SUMF1: variants seen among roughly 807,000 people sequenced by gnomAD.
SUMF1 encodes the protein sulfatase modifying factor 1.
SUMF1 carries 48 observed loss-of-function variants against 47.6 expected under a neutral mutation model. The ratio of observed to expected loss-of-function variants is 1.01; its 90% CI spans 0.80 to 1.28. The LOEUF (loss-of-function observed/expected upper bound fraction) is 1.28. Among genes scored for constraint, SUMF1 ranks in the 50% most tolerant of loss-of-function variants. SUMF1 has a pLI of 0.00. For missense variants in SUMF1, 571 were observed against 485.4 expected (o/e 1.18, Z -1.66); for synonymous variants, 230 against 192.1 (o/e 1.20, Z -1.63).
chr3:4,453,899 G>A (rs952500982), intron 1 of SUMF1, among the ~76,000 whole-genome samples: 3 of 151,772 alleles, frequency 2.0e-5, no homozygotes, highest in East Asian at 1.9e-4. Context: ...CAACTCCTGC[G>A]CTCAAGTGAT....
intron 8 of SUMF1, among the ~76,000 whole-genome samples, chr3:4,156,010 G>A (rs540544211): frequency 1.3e-5 from 2 of 151,372 alleles, no homozygotes; most frequent in Non-Finnish European, 2.9e-5. Flanking sequence ...TAGGAATTTT[G>A]TTTTTCATCT....
At chr3:4,137,262 C>G (rs141892664) in intron 8 of SUMF1, among the ~76,000 whole-genome samples, 4,666 of 152,064 alleles carry the variant, frequency 0.031, 266 homozygotes, top group African/African-American at 0.11. Context: ...GAAAATGTGG[C>G]ACATATACAC....
At chr3:4,197,392 C>A (rs1324488981) in intron 8 of SUMF1, among the ~76,000 whole-genome samples, 1 of 152,124 alleles carries the variant, frequency 6.6e-6, no homozygotes, top group East Asian at 1.9e-4. Flanking sequence ...TGAGCCAGTG[C>A]ACCCAGTAAG....
At chr3:4,421,138 T>C (rs17756721) in intron 3 of SUMF1, among the ~76,000 whole-genome samples, 3,100 of 152,154 alleles carry the variant, frequency 0.02, 41 homozygotes, top group South Asian at 0.051. Context: ...ATTTAGTGAG[T>C]GGTTTAGTTA....
chr3:4,261,214 A>AT (rs1197445529), intron 8 of SUMF1, among the ~76,000 whole-genome samples: 1 of 152,118 alleles, frequency 6.6e-6, no homozygotes. Context: ...GCTTTATGTA[A>AT]TTTTTTCATA....
chr3:4,253,945 G>A (rs868857173), intron 8 of SUMF1, among the ~76,000 whole-genome samples: 11 of 150,390 alleles, frequency 7.3e-5, no homozygotes, highest in Non-Finnish European at 4.4e-5. Context: ...CCTCAAGTGG[G>A]TCCCTGACCC....
In SUMF1 at chr3:4,401,231, T is replaced by A. The variant is rs150521611; in HGVS notation, c.954+9634A>T. On this transcript the variant is annotated intron_variant, in intron 7 of 8. Coordinates refer to ENST00000272902, the MANE Select transcript of SUMF1 (RefSeq NM_182760.4). ...GTTTATCACTGATGGACATTTGGGTTGGTTCCAAGTCTTTGCTCTTGTGAA... is the reference window on the plus strand; with the variant it reads ...GTTTATCACTGATGGACATTTGGGTAGGTTCCAAGTCTTTGCTCTTGTGAA... Among the ~76,000 whole-genome samples, 80 of 152,292 alleles carry A rather than the reference T, an allele frequency of 5.3e-4. 1 individual carries two copies. Among genetic ancestry groups the A allele is most frequent in the African/African-American group, 1.8e-3 (76 of 41,566 alleles).
At chr3:4,359,838 A>G (rs1699703089), downstream of SUMF1, among the ~76,000 whole-genome samples, 1 of 151,712 alleles carries the variant, frequency 6.6e-6, no homozygotes, top group Non-Finnish European at 1.5e-5. Context: ...CAGTCAAACC[A>G]TCTCAGTTGC....
At chr3:4,249,388 T>C (rs979945488) in intron 8 of SUMF1, among the ~76,000 whole-genome samples, 8 of 152,194 alleles carry the variant, frequency 5.3e-5, no homozygotes, top group Admixed American at 2.0e-4. Context: ...CAACAGCATA[T>C]GCTCACTTCA....
chr3:4,259,019 A>C (rs1453415791), intron 8 of SUMF1, among the ~76,000 whole-genome samples: 1 of 150,036 alleles, frequency 6.7e-6, no homozygotes, highest in East Asian at 1.9e-4. Flanking sequence ...AAGAACAAAA[A>C]ACCAAACACC....
chr3:4,102,018 A>T (rs116030843), intron 8 of SUMF1, among the ~76,000 whole-genome samples: 3 of 152,108 alleles, frequency 2.0e-5, no homozygotes, highest in Admixed American at 6.5e-5. Context: ...AAAGCATCAG[A>T]TCTCATGAGA....
chr3:4,327,154 T>C (rs1698962935), intron 8 of SUMF1, among the ~76,000 whole-genome samples: 2 of 152,090 alleles, frequency 1.3e-5, no homozygotes, highest in African/African-American at 4.8e-5. Flanking sequence ...AACACAAAAA[T>C]ATCAGCAATG....
At chr3:4,085,384 T>G (rs113577913) in intron 8 of SUMF1, among the ~76,000 whole-genome samples, 4 of 152,036 alleles carry the variant, frequency 2.6e-5, no homozygotes, top group African/African-American at 9.7e-5. Flanking sequence ...GACCAGAGCT[T>G]AGACAATAGA....
At chr3:4,048,212 C>A (rs1226737055) in intron 9 of SUMF1, among the ~76,000 whole-genome samples, 1 of 152,116 alleles carries the variant, frequency 6.6e-6, no homozygotes, top group Admixed American at 6.6e-5. Flanking sequence ...CTTTCTCTAA[C>A]CCCCAGAAAG....
At chr3:4,110,666 A>C (rs1475139719) in intron 8 of SUMF1, among the ~76,000 whole-genome samples, 1 of 151,958 alleles carries the variant, frequency 6.6e-6, no homozygotes, top group Non-Finnish European at 1.5e-5. Flanking sequence ...TGCAGCCATA[A>C]AAAAGGATGA....
chr3:4,316,160 C>A, intron 8 of SUMF1: 1 of 609,288 alleles, frequency 1.6e-6, no homozygotes, highest in Admixed American at 2.4e-5. Flanking sequence ...ATGAGCATTT[C>A]TTTATGTTTT....
intron 8 of SUMF1, among the ~76,000 whole-genome samples, chr3:4,139,879 T>A (rs1177215304): frequency 6.6e-6 from 1 of 151,866 alleles, no homozygotes; most frequent in Admixed American, 6.6e-5. Context: ...GACTACAGAG[T>A]TTATTTGGGC....
intron 8 of SUMF1, among the ~76,000 whole-genome samples, chr3:4,373,494 T>G (rs950873266): frequency 6.6e-6 from 1 of 151,556 alleles, no homozygotes; most frequent in African/African-American, 2.4e-5. Flanking sequence ...GGCTCACACC[T>G]GTAGTCCCAG....
At chr3:4,339,574 A>C (rs568183812) in intron 8 of SUMF1, among the ~76,000 whole-genome samples, 1 of 151,908 alleles carries the variant, frequency 6.6e-6, no homozygotes, top group Non-Finnish European at 1.5e-5. Context: ...GTAGCTGCGG[A>C]CAGGGTCTTT....
Sources: allele counts gnomAD v4.1 joint callset (sites outside exome capture counted in the v4.1 genomes callset), GRCh38; gene constraint gnomAD v4.1.1; transcripts MANE v1.5; gene names NCBI Gene and HGNC (gene_info 2026-07-23, HGNC 2026-07-21).